The following FUT9 variants were observed in gnomAD, a reference collection of about 807,000 sequenced individuals.
FUT9 encodes 4-galactosyl-N-acetylglucosaminide 3-alpha-L-fucosyltransferase 9.
A neutral mutation model predicts 29.7 loss-of-function variants in FUT9; 15 were observed. That is an observed-to-expected ratio of 0.51 (90% CI 0.34 to 0.78). FUT9 has a LOEUF of 0.78. Ranked by LOEUF, FUT9 falls within the 30% of genes least tolerant of loss-of-function variation. FUT9 has a pLI of 0.01. For synonymous variants in FUT9, 169 were observed against 153.7 expected, an observed-to-expected ratio of 1.10 and a Z score of -0.74; for missense variants, 319 against 425.4, an observed-to-expected ratio of 0.75 and a Z score of 2.20.
At chr6:96,070,431 AT>A (rs1771039475) in intron 1 of FUT9, among the ~76,000 whole-genome samples, 1 of 152,200 alleles carries the variant, frequency 6.6e-6, no homozygotes, top group South Asian at 2.1e-4. Context: ...TATGCCTGTA[AT>A]TCCAGCACTT....
chr6:96,126,567 G>A (rs769741276), intron 2 of FUT9, among the ~76,000 whole-genome samples: 50 of 152,212 alleles, frequency 3.3e-4, no homozygotes, highest in Admixed American at 1.4e-3. Context: ...CTATTCTGTA[G>A]ATCCAGGACA....
intron 1 of FUT9, among the ~76,000 whole-genome samples, chr6:96,039,641 T>C (rs948467383): frequency 1.3e-5 from 2 of 152,124 alleles, no homozygotes; most frequent in Non-Finnish European, 2.9e-5. Flanking sequence ...CACCGTATCA[T>C]AAGTAGCCAA....
At chr6:96,102,615 G>A (rs183768324) in intron 1 of FUT9, among the ~76,000 whole-genome samples, 24 of 152,260 alleles carry the variant, frequency 1.6e-4, no homozygotes, top group African/African-American at 5.5e-4. Context: ...AGAGTTATAT[G>A]TGTAAACAGC....
intron 1 of FUT9, among the ~76,000 whole-genome samples, chr6:96,112,452 T>C (rs1463533895): frequency 6.6e-6 from 1 of 152,186 alleles, no homozygotes; most frequent in Non-Finnish European, 1.5e-5. Flanking sequence ...TTTAAATGTG[T>C]TTGAATCCAA....
chr6:96,162,914 C>T (rs1772939802), intron 2 of FUT9, among the ~76,000 whole-genome samples: 1 of 152,164 alleles, frequency 6.6e-6, no homozygotes, highest in African/African-American at 2.4e-5. Context: ...TAGGGAATGC[C>T]TTTCCTGTAG....
intron 1 of FUT9, among the ~76,000 whole-genome samples, chr6:96,073,850 C>T (rs1771102784): frequency 6.6e-6 from 1 of 152,188 alleles, no homozygotes; most frequent in African/African-American, 2.4e-5. Flanking sequence ...CAACATCTGT[C>T]ATCTGTGGAA....
intron 1 of FUT9, among the ~76,000 whole-genome samples, chr6:96,102,883 C>T (rs1771611769): frequency 1.3e-5 from 2 of 152,126 alleles, no homozygotes; most frequent in South Asian, 4.1e-4. Flanking sequence ...CATCATGCTA[C>T]ACTGGAATGT....
intron 1 of FUT9, among the ~76,000 whole-genome samples, chr6:96,064,409 A>G (rs1261801145): frequency 2.6e-5 from 4 of 152,244 alleles, no homozygotes; most frequent in Admixed American, 1.3e-4. Context: ...CATACTGGCA[A>G]TGTACAAAGA....
At chr6:96,062,659 G>C (rs916505212) in intron 1 of FUT9, among the ~76,000 whole-genome samples, 4 of 152,052 alleles carry the variant, frequency 2.6e-5, no homozygotes, top group Non-Finnish European at 4.4e-5. Context: ...TACATACCTA[G>C]GGTTTAACAC....
chr6:96,051,054 A>C lies in FUT9; in HGVS notation c.-98+34842A>C, dbSNP rs532560083. Among the ~76,000 whole-genome samples, 9 of 151,398 alleles carry C rather than the reference A, an allele frequency of 5.9e-5. No individual in the cohort carries two copies. The South Asian group carries it at 1.9e-3, about 32-fold the overall frequency. ...TGTATTGGGGCAATTTCTTCAGATA[A>C]ATTTTTGGATTCTCCAATGTGAAGA... On this transcript the variant is annotated intron_variant, in intron 1 of 2. Coordinates refer to ENST00000302103, the MANE Select transcript of FUT9 (RefSeq NM_006581.4).
intron 1 of FUT9, among the ~76,000 whole-genome samples, chr6:96,049,340 A>C (rs1438037721): frequency 6.6e-6 from 1 of 152,194 alleles, no homozygotes; most frequent in African/African-American, 2.4e-5. Context: ...CAATCATCAA[A>C]ATGCCAAAAC....
intron 2 of FUT9, among the ~76,000 whole-genome samples, chr6:96,143,591 C>A (rs1392957047): frequency 6.6e-6 from 1 of 151,898 alleles, no homozygotes; most frequent in East Asian, 1.9e-4. Flanking sequence ...TTTTAATATA[C>A]CCTTTCCCCA....
chr6:96,039,487 AT>A (rs1770417791), intron 1 of FUT9, among the ~76,000 whole-genome samples: 1 of 151,674 alleles, frequency 6.6e-6, no homozygotes, highest in Non-Finnish European at 1.5e-5. Flanking sequence ...CCGCTATCTC[AT>A]TTTTCTTCAT....
intron 2 of FUT9, among the ~76,000 whole-genome samples, chr6:96,192,880 G>A (rs1773539740): frequency 6.6e-6 from 1 of 151,796 alleles, no homozygotes; most frequent in African/African-American, 2.4e-5. Context: ...ATAGAACAGA[G>A]CCCTCCGAAA....
chr6:96,022,334 C>A (rs532820267), intron 1 of FUT9, among the ~76,000 whole-genome samples: 1 of 152,154 alleles, frequency 6.6e-6, no homozygotes, highest in East Asian at 1.9e-4. Flanking sequence ...GGCAGTCAAT[C>A]CAACTTGTCC....
chr6:96,018,873 A>T, intron 1 of FUT9, among the ~76,000 whole-genome samples: 1 of 152,040 alleles, frequency 6.6e-6, no homozygotes, highest in African/African-American at 2.4e-5. Flanking sequence ...AAATTCTTTA[A>T]TCAAATTAAG....
intron 1 of FUT9, among the ~76,000 whole-genome samples, chr6:96,061,598 T>C: frequency 6.6e-6 from 1 of 152,098 alleles, no homozygotes. Context: ...TTTAATGCTT[T>C]TTATATTTTT....
At chr6:96,035,320 T>A (rs536436670) in intron 1 of FUT9, among the ~76,000 whole-genome samples, 1 of 151,548 alleles carries the variant, frequency 6.6e-6, no homozygotes, top group African/African-American at 2.4e-5. Flanking sequence ...GACAAAAAAG[T>A]GCATAAATGC....
chr6:96,063,827 C>A (rs181416356), intron 1 of FUT9, among the ~76,000 whole-genome samples: 1 of 152,222 alleles, frequency 6.6e-6, no homozygotes, highest in East Asian at 1.9e-4. Context: ...CAGGCAGATG[C>A]ACCAAAGTAT....
Sources: allele counts gnomAD v4.1 joint callset (sites outside exome capture counted in the v4.1 genomes callset), GRCh38; gene constraint gnomAD v4.1.1; transcripts MANE v1.5; gene names NCBI Gene and HGNC (gene_info 2026-07-23, HGNC 2026-07-21).